The following ADAM10 variants were observed in gnomAD, a reference collection of about 807,000 sequenced individuals.
ADAM10 encodes the protein ADAM metallopeptidase domain 10, also known as disintegrin and metalloproteinase domain-containing protein 10.
ADAM10 carries 17 observed loss-of-function variants against 90.1 expected under a neutral mutation model. The ratio of observed to expected loss-of-function variants is 0.19; its 90% CI spans 0.13 to 0.28. The LOEUF is 0.28. Ranked by LOEUF, ADAM10 falls within the 10% of genes least tolerant of loss-of-function variation. The pLI is 1.00. For missense variants in ADAM10, 610 were observed against 914.3 expected, an observed-to-expected ratio of 0.67 and a Z score of 4.29; for synonymous variants, 310 against 298.6, an observed-to-expected ratio of 1.04 and a Z score of -0.40.
intron 2 of ADAM10, among the ~76,000 whole-genome samples, chr15:58,708,671 A>C (rs1898379634): frequency 6.6e-6 from 1 of 152,174 alleles, no homozygotes; most frequent in South Asian, 2.1e-4. Context: ...CCAACCTGGC[A>C]ATTGATACTG....
Position 58,666,888 on chromosome 15 carries a change from C to T in ADAM10, c.485-1691G>A, listed in dbSNP as rs138486240. On this transcript the variant is annotated intron_variant, in intron 4 of 15. Transcript: ENST00000260408. ...CTTCAAATTCTGTCAGCACAAAACT[C>T]TCCCAATAGAAAGGGTCAAGCATGC... Among the ~76,000 whole-genome samples the T allele has an allele frequency of 1.5e-3, 223 of 152,206 alleles. 1 individual carries two copies. The highest frequency in any genetic ancestry group is 5.0e-3 in the African/African-American group (206 of 41,544).
At chr15:58,724,818 A>G (rs1329692820) in intron 1 of ADAM10, among the ~76,000 whole-genome samples, 1 of 152,248 alleles carries the variant, frequency 6.6e-6, no homozygotes, top group African/African-American at 2.4e-5. Context: ...TATTTCTACC[A>G]TCTAGAGAAG....
intron 1 of ADAM10, among the ~76,000 whole-genome samples, chr15:58,718,013 A>T: frequency 6.6e-6 from 1 of 152,178 alleles, no homozygotes; most frequent in East Asian, 1.9e-4. Context: ...AAAAACTATC[A>T]GGACCAGGTG....
chr15:58,668,052 C>A (rs1897117129), intron 4 of ADAM10, among the ~76,000 whole-genome samples: 1 of 152,074 alleles, frequency 6.6e-6, no homozygotes. Flanking sequence ...AGACATGTCC[C>A]TTCTCACCCC....
intron 1 of ADAM10, among the ~76,000 whole-genome samples, chr15:58,726,246 T>C (rs1243459366): frequency 1.3e-5 from 2 of 152,068 alleles, no homozygotes; most frequent in East Asian, 3.9e-4. Flanking sequence ...CTGAACAACC[T>C]CTAAAAAATA....
chr15:58,747,149 C>A (rs567189427), intron 1 of ADAM10, among the ~76,000 whole-genome samples: 2 of 152,272 alleles, frequency 1.3e-5, no homozygotes, highest in South Asian at 2.1e-4. Flanking sequence ...TCAAACACAC[C>A]AGTTAAATTT....
chr15:58,593,884 C>G lies in ADAM10; in HGVS notation c.*3663G>C, dbSNP rs1023563519. ...AATATAGTAATATAAAACAGAAGGG[C>G]TAAATTTCTATCCTAATCATATAAA... is the stretch of plus-strand genomic sequence containing the variant. On this transcript the variant is annotated 3_prime_UTR_variant, in exon 16 of 16. Transcript: ENST00000260408. 1.3e-5 allele frequency: 2 copies of G among 152,052 alleles called. No individual in the cohort carries two copies. The highest frequency in any genetic ancestry group is 2.9e-5 in the Non-Finnish European group (2 of 68,022). The allele number at this position is 152,052 out of a possible 1,614,324, so 9.4% of individuals were successfully genotyped here.
chr15:58,666,397 A>G (rs953369301), intron 4 of ADAM10, among the ~76,000 whole-genome samples: 2 of 151,758 alleles, frequency 1.3e-5, no homozygotes, highest in East Asian at 4.0e-4. Flanking sequence ...CTCATTCAAA[A>G]GTCATGATCT....
At chr15:58,601,483 A>G (rs1895108132) in intron 14 of ADAM10, among the ~76,000 whole-genome samples, 1 of 152,174 alleles carries the variant, frequency 6.6e-6, no homozygotes, top group South Asian at 2.1e-4. Flanking sequence ...AAACAAAAAC[A>G]AAAAAGAAAA....
At chr15:58,687,856 A>G (rs935077041) in intron 2 of ADAM10, among the ~76,000 whole-genome samples, 4 of 152,232 alleles carry the variant, frequency 2.6e-5, no homozygotes, top group African/African-American at 9.7e-5. Context: ...TAATCTAATT[A>G]TGGAGATGGA....
intron 6 of ADAM10, among the ~76,000 whole-genome samples, chr15:58,644,212 C>T (rs1003986096): frequency 1.6e-4 from 24 of 149,442 alleles, no homozygotes; most frequent in African/African-American, 4.9e-4. Context: ...TACTTCTTTG[C>T]GGTTTTTTTT....
At chr15:58,714,614 T>C (rs1319399765) in intron 2 of ADAM10, among the ~76,000 whole-genome samples, 1 of 152,166 alleles carries the variant, frequency 6.6e-6, no homozygotes, top group Non-Finnish European at 1.5e-5. Context: ...ACACATCTTA[T>C]AGGCTGGGCT....
At chr15:58,598,273 C>T (rs1300479339) in intron 15 of ADAM10, among the ~76,000 whole-genome samples, 1 of 152,170 alleles carries the variant, frequency 6.6e-6, no homozygotes, top group East Asian at 1.9e-4. Flanking sequence ...ATGAAACCAA[C>T]ATACACATAA....
At chr15:58,688,786 A>ATATATATATATATATCTATCTC in intron 2 of ADAM10, among the ~76,000 whole-genome samples, 3 of 122,394 alleles carry the variant, frequency 2.5e-5, no homozygotes, top group Admixed American at 2.4e-4. Flanking sequence ...ATATATATAT[A>ATATATATATATATATCTATCTC]TCTCTCTCTC....
chr15:58,659,024 C>T (rs1466953493), intron 5 of ADAM10, among the ~76,000 whole-genome samples: 8 of 152,110 alleles, frequency 5.3e-5, no homozygotes, highest in African/African-American at 1.9e-4. Flanking sequence ...CCTGTAATCT[C>T]GGCACTTTGG....
At chr15:58,607,480 G>C (rs2140994731) in intron 14 of ADAM10, among the ~76,000 whole-genome samples, 1 of 152,276 alleles carries the variant, frequency 6.6e-6, no homozygotes, top group East Asian at 1.9e-4. Context: ...GTATGGAGTA[G>C]TTTTCCAGAT....
chr15:58,655,727 A>ATAG (rs1555414939), intron 5 of ADAM10, among the ~76,000 whole-genome samples: 10 of 99,850 alleles, frequency 1.0e-4, no homozygotes, highest in Non-Finnish European at 1.8e-4. Flanking sequence ...ATATATATAT[A>ATAG]TATATATATA....
At chr15:58,708,070 C>A (rs1472509146) in intron 2 of ADAM10, among the ~76,000 whole-genome samples, 2 of 151,412 alleles carry the variant, frequency 1.3e-5, no homozygotes, top group Admixed American at 6.6e-5. Flanking sequence ...GAGCGAGACT[C>A]GGTCTCAAAA....
Position 58,727,207 on chromosome 15 carries a change from C to CTTTTTTT in ADAM10, c.56-9481_56-9480insAAAAAAA, listed in dbSNP as rs1567014727. ...TTTTTTTTTTTTTTTTTTTTTTTTC[C>CTTTTTTT]CAAAAACAGCGTTTCGCTCGTTGCC... On this transcript the variant is annotated intron_variant, in intron 1 of 15. Coordinates refer to ENST00000260408, the MANE Select transcript of ADAM10 (RefSeq NM_001110.4). Among the ~76,000 whole-genome samples, 6 of 71,036 alleles carry CTTTTTTT rather than the reference C, an allele frequency of 8.4e-5. 1 individual carries two copies. The highest frequency in any genetic ancestry group is 2.4e-4 in the African/African-American group (3 of 12,256). 46.6% of individuals were successfully genotyped at this position (71,036 alleles called of 152,430 possible).
Sources: allele counts gnomAD v4.1 joint callset (sites outside exome capture counted in the v4.1 genomes callset), GRCh38; gene constraint gnomAD v4.1.1; transcripts MANE v1.5; gene names NCBI Gene and HGNC (gene_info 2026-07-23, HGNC 2026-07-21).